The following DNAH8 variants were observed in gnomAD, a reference collection of about 807,000 sequenced individuals.
DNAH8 encodes axonemal beta dynein heavy chain 8.
DNAH8 carries 382 observed loss-of-function variants against 562.1 expected under a neutral mutation model. The observed-to-expected ratio is 0.68, with a 90% CI of 0.63 to 0.74. The LOEUF (loss-of-function observed/expected upper bound fraction) is 0.74. Among genes scored for constraint, DNAH8 ranks in the 30% least tolerant of loss-of-function variants. The pLI is 0.00. For missense variants in DNAH8, 5,203 were observed against 5,620.4 expected (o/e 0.93, Z 2.37); for synonymous variants, 1,881 against 1,919.4 (o/e 0.98, Z 0.52).
At chr6:38,961,989 C>G (rs947304250) in intron 82 of DNAH8, among the ~76,000 whole-genome samples, 2 of 151,808 alleles carry the variant, frequency 1.3e-5, no homozygotes, top group Non-Finnish European at 2.9e-5. Context: ...AGTGAGGTGA[C>G]TGTTTACAAG....
At chr6:38,805,008 C>T (rs1771141857) in intron 22 of DNAH8, among the ~76,000 whole-genome samples, 2 of 152,176 alleles carry the variant, frequency 1.3e-5, no homozygotes, top group African/African-American at 4.8e-5. Flanking sequence ...CCCCCAGCAA[C>T]AAAGAATTGA....
intron 18 of DNAH8, 33 bp downstream of exon 18, chr6:38,786,985 A>G: frequency 1.3e-6 from 2 of 1,501,810 alleles, no homozygotes; most frequent in Non-Finnish European, 1.8e-6. Flanking sequence ...ATTATTTTTG[A>G]AGGAGTTTTT....
rs570626569 is a variant in DNAH8, at chr6:38,988,620, T to C, written c.13054-1392T>C. 2.0e-5 allele frequency among the ~76,000 whole-genome samples: 3 copies of C among 152,346 alleles called. No individual in the cohort carries two copies. The South Asian group carries it at 6.2e-4, about 32-fold the overall frequency. On this transcript the variant is annotated intron_variant, in intron 87 of 92. Coordinates refer to ENST00000327475, the MANE Select transcript of DNAH8 (RefSeq NM_001206927.2). ...CCCTGACATCAATAGTCATCCATGA[T>C]ATGACCTCACCTCACTTTTCCTGTC...
intron 62 of DNAH8, among the ~76,000 whole-genome samples, chr6:38,905,189 T>C (rs1045548367): frequency 4.6e-5 from 7 of 152,236 alleles, no homozygotes; most frequent in African/African-American, 1.7e-4. Context: ...CATGGCCTAC[T>C]GCCCATTACT....
At position 38,787,357 on chromosome 6, in the gene DNAH8, G is replaced by A. The variant is rs567066328; in HGVS notation, c.2583+405G>A. Among the ~76,000 whole-genome samples, 6 of 152,166 alleles carry A rather than the reference G, an allele frequency of 3.9e-5. No homozygotes were observed. The East Asian group carries it at 1.2e-3, about 29-fold the overall frequency. ...TCTCAACATTGTGGGGCAAAAAGGAGCATTATTTCAATTAAAGTTCACTAG... is the reference window on the plus strand; with the variant it reads ...TCTCAACATTGTGGGGCAAAAAGGAACATTATTTCAATTAAAGTTCACTAG... On this transcript the variant is annotated intron_variant, in intron 18 of 92. Transcript: ENST00000327475.
chr6:38,965,094 A>G (rs1184735569), intron 82 of DNAH8, among the ~76,000 whole-genome samples: 1 of 150,930 alleles, frequency 6.6e-6, no homozygotes, highest in Non-Finnish European at 1.5e-5. Context: ...ATAAAATAAA[A>G]TAAAATAAAA....
intron 36 of DNAH8, among the ~76,000 whole-genome samples, chr6:38,846,626 A>G (rs778670505): frequency 3.9e-5 from 6 of 152,202 alleles, no homozygotes; most frequent in Non-Finnish European, 7.3e-5. Context: ...CCTCGGATGC[A>G]TCCTCTGTGT....
chr6:39,020,361 G>A (rs1766833424), intron 91 of DNAH8, among the ~76,000 whole-genome samples: 1 of 152,090 alleles, frequency 6.6e-6, no homozygotes, highest in Non-Finnish European at 1.5e-5. Context: ...TGACTTGTCT[G>A]CAGAGCTTTT....
chr6:38,732,801 CAGG>C (rs1196505897), intron 4 of DNAH8, among the ~76,000 whole-genome samples: 3 of 152,180 alleles, frequency 2.0e-5, no homozygotes, highest in Non-Finnish European at 4.4e-5. Flanking sequence ...AATCACAGGG[CAGG>C]AGGAATCTCC....
At chr6:39,009,255 C>T (rs1391908477) in intron 89 of DNAH8, among the ~76,000 whole-genome samples, 1 of 151,618 alleles carries the variant, frequency 6.6e-6, no homozygotes, top group Non-Finnish European at 1.5e-5. Context: ...AAAGTTTCCA[C>T]GGTGACCCAT....
At chr6:38,935,926 A>C (rs951173038) in intron 77 of DNAH8, among the ~76,000 whole-genome samples, 1 of 152,192 alleles carries the variant, frequency 6.6e-6, no homozygotes, top group African/African-American at 2.4e-5. Context: ...TTCTTGATAT[A>C]ATTGCTTTCT....
At chr6:38,734,325 G>GC (rs1236443382) in intron 4 of DNAH8, 149 bp from the exon 5 acceptor site, 1 of 594,354 alleles carries the variant, frequency 1.7e-6, no homozygotes, top group Non-Finnish European at 2.3e-6. Context: ...TCTTCTAGTA[G>GC]ACCCCCCCCC....
intron 82 of DNAH8, among the ~76,000 whole-genome samples, chr6:38,961,076 G>A (rs1044337550): frequency 5.6e-4 from 85 of 152,004 alleles, no homozygotes; most frequent in African/African-American, 1.8e-3. Context: ...AATGAAATAA[G>A]CTAGGCATAG....
chr6:38,789,954 G>A (rs1478003922), intron 19 of DNAH8, 71 bp downstream of exon 19: 2 of 1,204,588 alleles, frequency 1.7e-6, no homozygotes, highest in Admixed American at 2.0e-5. Context: ...ATAAACTATG[G>A]ATTTTGGAAC....
intron 39 of DNAH8, among the ~76,000 whole-genome samples, chr6:38,852,004 A>G (rs1474426829): frequency 6.6e-6 from 1 of 152,226 alleles, no homozygotes; most frequent in Non-Finnish European, 1.5e-5. Context: ...ATATGAGATC[A>G]TGCATAGCAG....
rs548745814 is a variant in DNAH8, at chr6:38,884,094, T to G, written c.8259+96T>G. On this transcript the variant is annotated intron_variant, in intron 56 of 92. Coordinates refer to ENST00000327475, the MANE Select transcript of DNAH8 (RefSeq NM_001206927.2). ...AATGTTAATAACTTTGTTAAAAACT[T>G]TATGTTTTTAAGTCTACTGCCAATC... is the stretch of plus-strand genomic sequence containing the variant. 244 of 866,548 alleles carry G rather than the reference T, an allele frequency of 2.8e-4. 1 individual carries two copies. The African/African-American group carries it at 3.8e-3, about 14-fold the overall frequency. The allele number at this position is 866,548 out of a possible 1,614,324, so 53.7% of individuals were successfully genotyped here. A position where few individuals can be genotyped will look rare whatever the true frequency, so the allele number is the denominator to read the frequency against.
At chr6:38,943,408 G>T (rs1192317304) in intron 79 of DNAH8, among the ~76,000 whole-genome samples, 1 of 152,068 alleles carries the variant, frequency 6.6e-6, no homozygotes, top group Non-Finnish European at 1.5e-5. Context: ...AAATCATTTT[G>T]AACTCAATAC....
intron 13 of DNAH8, among the ~76,000 whole-genome samples, chr6:38,777,003 G>T (rs1002140952): frequency 6.6e-6 from 1 of 152,130 alleles, no homozygotes; most frequent in African/African-American, 2.4e-5. Context: ...TTTTTCTCAA[G>T]TATTTAAAAA....
chr6:38,985,128 T>C (rs1007168709), intron 87 of DNAH8, among the ~76,000 whole-genome samples: 9 of 152,244 alleles, frequency 5.9e-5, no homozygotes, highest in Non-Finnish European at 1.3e-4. Flanking sequence ...GTGTTCACTT[T>C]TTCTCTGTGC....
Sources: allele counts gnomAD v4.1 joint callset (sites outside exome capture counted in the v4.1 genomes callset), GRCh38; gene constraint gnomAD v4.1.1; transcripts MANE v1.5; gene names NCBI Gene and HGNC (gene_info 2026-07-23, HGNC 2026-07-21).